Variants in PCDHGC5 observed in about 807,000 individuals in gnomAD.
PCDHGC5 encodes the protein protocadherin gamma-C5.
PCDHGC5 carries 25 observed loss-of-function variants against 59.0 expected under a neutral mutation model. The ratio of observed to expected loss-of-function variants is 0.42; its 90% CI spans 0.31 to 0.59. The LOEUF (loss-of-function observed/expected upper bound fraction) is 0.59. Among genes scored for constraint, PCDHGC5 ranks in the 20% least tolerant of loss-of-function variants. The pLI, the probability that PCDHGC5 is intolerant of heterozygous loss-of-function variation, is 0.13. For synonymous variants in PCDHGC5, 434 were observed against 505.5 expected (o/e 0.86, Z 1.90); for missense variants, 1,067 against 1,206.4 (o/e 0.88, Z 1.71).
chr5:141,505,413 C>T lies in PCDHGC5; in HGVS notation c.2540C>T (p.Thr847Ile), dbSNP rs1240988786. ...CCCAGCTCCCAAAATGGCGATGACA[C>T]CGGCACCTGGCCCAACAACCAGTTT... is the stretch of plus-strand genomic sequence containing the variant. ...GTSGSQNGDD[T>I]GTWPNNQFDT... Residue 847 changes from threonine to isoleucine, a missense_variant, in exon 3 of 4, where the codon ACC becomes ATC. By Grantham distance (89) the Thr-to-Ile change is moderately conservative. Coordinates refer to ENST00000252087, the MANE Select transcript of PCDHGC5 (RefSeq NM_018929.3). 10 of 1,614,202 alleles carry T rather than the reference C, an allele frequency of 6.2e-6. No homozygotes were observed. Among genetic ancestry groups the T allele is most frequent in the Non-Finnish European group, 7.6e-6 (9 of 1,180,046 alleles).
intron 2 of PCDHGC5, among the ~76,000 whole-genome samples, chr5:141,501,506 G>A (rs770097282): frequency 1.3e-5 from 2 of 151,864 alleles, no homozygotes; most frequent in Non-Finnish European, 2.9e-5. Context: ...GGGGCTCCAA[G>A]GCCTCCAAGC....
chr5:141,500,036 T>C (rs1001193977), intron 2 of PCDHGC5, among the ~76,000 whole-genome samples: 8 of 152,176 alleles, frequency 5.3e-5, no homozygotes, highest in African/African-American at 1.9e-4. Flanking sequence ...TGAGTGTCTC[T>C]TAAGTATCTT....
chr5:141,489,091 T>C lies in PCDHGC5; in HGVS notation c.-150T>C. 1 of 333,052 alleles carries C rather than the reference T, an allele frequency of 3.0e-6. No individual in the cohort carries two copies. The highest frequency in any genetic ancestry group is 5.5e-6 in the Non-Finnish European group (1 of 181,380). 20.6% of individuals were successfully genotyped at this position (333,052 alleles called of 1,614,324 possible). On this transcript the variant is annotated 5_prime_UTR_variant, in exon 1 of 4. Coordinates refer to ENST00000252087, the MANE Select transcript of PCDHGC5 (RefSeq NM_018929.3). This position sits in a 1 kb window ranked among gnomAD's most constrained non-coding sequence, Gnocchi z 4.5. ...CTGCCCACCCCCGCCACTCGGTGAC[T>C]AAGAACTGCTGCAAGCAGGCAAACC...
chr5:141,505,618 A>G, intron 3 of PCDHGC5, 137 bp downstream of exon 3: 6 of 1,496,136 alleles, frequency 4.0e-6, no homozygotes, highest in Non-Finnish European at 5.4e-6. Flanking sequence ...GAAAGGACCC[A>G]CAATTCCAAA....
rs377061064 is a variant in PCDHGC5, at chr5:141,505,429, C to A, written c.2556C>A (p.Asn852Lys). 1.2e-6 allele frequency: 2 copies of A among 1,614,116 alleles called. No homozygotes were observed. Among genetic ancestry groups the A allele is most frequent in the African/African-American group, 1.3e-5 (1 of 74,938 alleles). Residue 852 changes from asparagine (N) to lysine (K), a missense_variant, in exon 3 of 4, where the codon AAC becomes AAA. Asn to Lys is a moderately conservative substitution (Grantham distance 94, BLOSUM62 0). Coordinates refer to ENST00000252087, the MANE Select transcript of PCDHGC5 (RefSeq NM_018929.3). ...QNGDDTGTWP[N>K]NQFDTEMLQA... ...GCGATGACACCGGCACCTGGCCCAA[C>A]AACCAGTTTGACACAGAGATGCTGC...
In PCDHGC5 at chr5:141,511,223, A is replaced by G. The variant is rs1193308928; in HGVS notation, c.*50A>G. On this transcript the variant is annotated 3_prime_UTR_variant, in exon 4 of 4. Transcript: ENST00000252087. ...AGGGCGGCCTCTCCCCAACCAGCCC[A>G]GCTTCTCCTTACCTGCACCCAGGCC... 1 of 1,604,390 alleles carries G rather than the reference A, an allele frequency of 6.2e-7. No individual in the cohort carries two copies.
chr5:141,500,400 G>A (rs2099799942), intron 2 of PCDHGC5, among the ~76,000 whole-genome samples: 1 of 151,666 alleles, frequency 6.6e-6, no homozygotes, highest in East Asian at 1.9e-4. Context: ...TAGTAGAGAC[G>A]GGGTTTCACC....
chr5:141,502,516 A>G (rs947349505), intron 2 of PCDHGC5, among the ~76,000 whole-genome samples: 1 of 152,146 alleles, frequency 6.6e-6, no homozygotes, highest in African/African-American at 2.4e-5. Flanking sequence ...TCCCACTATC[A>G]GTGATGCCGA....
intron 2 of PCDHGC5, among the ~76,000 whole-genome samples, chr5:141,497,023 G>A (rs1271608156): frequency 1.3e-5 from 2 of 151,912 alleles, no homozygotes; most frequent in Non-Finnish European, 2.9e-5. Flanking sequence ...ACCCCATCTC[G>A]ATTAAAAATA....
intron 2 of PCDHGC5, among the ~76,000 whole-genome samples, chr5:141,500,904 C>T (rs2099803610): frequency 6.6e-6 from 1 of 151,662 alleles, no homozygotes; most frequent in Non-Finnish European, 1.5e-5. Context: ...CAGTCTCGCT[C>T]TGTCTCCAGG....
chr5:141,489,900 A>G lies in PCDHGC5; in HGVS notation c.660A>G (p.Pro220=), dbSNP rs963522810. ...LVLTAVDGGT[P]ARSGTTLISV... The stretch of plus-strand genomic sequence containing the variant: ...TTACTGCTGTGGATGGGGGGACCCC[A>G]GCCCGCTCAGGGACCACCCTTATCT... Residue 220 remains proline (P), a synonymous_variant, in exon 1 of 4, where the codon CCA becomes CCG. Transcript: ENST00000252087. The surrounding 1 kb of genome is among the most constrained non-coding windows in gnomAD (Gnocchi z 4.5). The G allele has an allele frequency of 1.9e-6, 3 of 1,614,254 alleles. No homozygotes were observed. The highest frequency in any genetic ancestry group is 1.7e-5 in the Admixed American group (1 of 60,026).
Position 141,490,983 on chromosome 5 carries a change from C to T in PCDHGC5, c.1743C>T (p.Arg581=). ...WEHSAPQRLP[R]SAPPGSLVTK... is the part of the protein sequence containing the mutation. ...ACTCAGCCCCCCAGCGTCTCCCTCG[C>T]TCTGCTCCTCCTGGCTCCTTGGTCA... The change falls in exon 1 of 4, where the codon CGC becomes CGT. Residue 581 remains arginine, a synonymous_variant. Transcript: ENST00000252087. The surrounding 1 kb of genome is among the most constrained non-coding windows in gnomAD (Gnocchi z 5.4). 2 of 1,614,120 alleles carry T rather than the reference C, an allele frequency of 1.2e-6. No individual in the cohort carries two copies. Among genetic ancestry groups the T allele is most frequent in the South Asian group, 2.2e-5 (2 of 91,082 alleles).
Position 141,496,888 on chromosome 5 carries a change from TA to T in PCDHGC5, c.2519+2038del, listed in dbSNP as rs35063790. 4.6e-3 allele frequency among the ~76,000 whole-genome samples: 621 copies of T among 133,932 alleles called. 1 individual carries two copies. Among genetic ancestry groups the T allele is most frequent in the Middle Eastern group, 0.011 (3 of 270 alleles). 87.9% of individuals were successfully genotyped at this position (133,932 alleles called of 152,430 possible). ...CTGAAAATTTGCAACAAGTAACACT[TA>T]AAAAAAAAAAAAAAGGCTGGGCACT... On this transcript the variant is annotated intron_variant, in intron 2 of 3. Coordinates refer to ENST00000252087, the MANE Select transcript of PCDHGC5 (RefSeq NM_018929.3).
chr5:141,489,363 G>T lies in PCDHGC5; in HGVS notation c.123G>T (p.Pro41=), dbSNP rs767837736. 20 of 1,613,114 alleles carry T rather than the reference G, an allele frequency of 1.2e-5. No homozygotes were observed. Among genetic ancestry groups the T allele is most frequent in the Non-Finnish European group, 1.7e-5 (20 of 1,179,354 alleles). ...ACTCAGTGGTGGAGGAGTCTGAGCCGGGGACGCTGGTGGGGAATGTTGCTC... is the reference window on the plus strand; with the variant it reads ...ACTCAGTGGTGGAGGAGTCTGAGCCTGGGACGCTGGTGGGGAATGTTGCTC... ...LRYSVVEESE[P]GTLVGNVAQD... Residue 41 remains proline (P), a synonymous_variant, in exon 1 of 4, where the codon CCG becomes CCT. Transcript: ENST00000252087. The surrounding 1 kb of genome is among the most constrained non-coding windows in gnomAD (Gnocchi z 4.5).
In PCDHGC5 at chr5:141,493,668, GC is replaced by G. The variant is rs1178535601; in HGVS notation, c.2461-1135del. On this transcript the variant is annotated intron_variant, in intron 1 of 3. Coordinates refer to ENST00000252087, the MANE Select transcript of PCDHGC5 (RefSeq NM_018929.3). This position sits in a 1 kb window ranked among gnomAD's most constrained non-coding sequence, Gnocchi z 4.3. ...CATCCCTGTGCCCTTCTCCATGGCAGCCCCAGAATGGTGCTGGTGACTCCCG... is the reference window on the plus strand; with the variant it reads ...CATCCCTGTGCCCTTCTCCATGGCAGCCCAGAATGGTGCTGGTGACTCCCG... Among the ~76,000 whole-genome samples the G allele has an allele frequency of 6.6e-6, 1 of 152,140 alleles. No individual in the cohort carries two copies. The highest frequency in any genetic ancestry group is 2.4e-5 in the African/African-American group (1 of 41,422).
intron 2 of PCDHGC5, among the ~76,000 whole-genome samples, chr5:141,501,868 C>G (rs1016056445): frequency 1.3e-5 from 2 of 152,120 alleles, no homozygotes; most frequent in African/African-American, 2.4e-5. Flanking sequence ...TCCCAGGACG[C>G]CTCCTTACAC....
intron 2 of PCDHGC5, among the ~76,000 whole-genome samples, chr5:141,502,576 T>C (rs1226513508): frequency 6.6e-6 from 1 of 152,168 alleles, no homozygotes; most frequent in African/African-American, 2.4e-5. Flanking sequence ...ATTATAAAAA[T>C]ATATTTTTAT....
At position 141,490,409 on chromosome 5, in the gene PCDHGC5, C is replaced by G; in HGVS notation, c.1169C>G (p.Ser390Cys). Residue 390 changes from serine (S) to cysteine (C), a missense_variant, in exon 1 of 4, where the codon TCT becomes TGT. Ser to Cys is a moderately radical substitution (Grantham distance 112). Transcript: ENST00000252087. The surrounding 1 kb of genome is among the most constrained non-coding windows in gnomAD (Gnocchi z 5.4). ...AATGGTGAAGTGAGCCTTGATATCT[C>G]TCCGGACCTGCCATTTCAGATTAAG... ...GRNGEVSLDI[S>C]PDLPFQIKPS... 1 of 1,614,202 alleles carries G rather than the reference C, an allele frequency of 6.2e-7. No homozygotes were observed. Among genetic ancestry groups the G allele is most frequent in the Non-Finnish European group, 8.5e-7 (1 of 1,180,038 alleles).
At chr5:141,501,869 C>G (rs1595765055) in intron 2 of PCDHGC5, among the ~76,000 whole-genome samples, 1 of 152,130 alleles carries the variant, frequency 6.6e-6, no homozygotes, top group Non-Finnish European at 1.5e-5. Context: ...CCCAGGACGC[C>G]TCCTTACACT....
Sources: allele counts gnomAD v4.1 joint callset (sites outside exome capture counted in the v4.1 genomes callset), GRCh38; gene constraint gnomAD v4.1.1; non-coding constraint Gnocchi (gnomAD v3.1); transcripts MANE v1.5; gene names NCBI Gene and HGNC (gene_info 2026-07-23, HGNC 2026-07-21).